The following TMEM135 variants were observed in gnomAD, a reference collection of about 807,000 sequenced individuals.
TMEM135 encodes the protein transmembrane protein 135.
In TMEM135, 30 loss-of-function variants were observed where a neutral mutation model predicts 60.3. That is an observed-to-expected ratio of 0.50 (90% CI 0.37 to 0.68). TMEM135 has a LOEUF of 0.68. Among genes scored for constraint, TMEM135 ranks in the 30% least tolerant of loss-of-function variants. The pLI, the probability that TMEM135 is intolerant of heterozygous loss-of-function variation, is 0.00. For synonymous variants in TMEM135, 190 were observed against 186.7 expected, an observed-to-expected ratio of 1.02 and a Z score of -0.14; for missense variants, 468 against 548.8, an observed-to-expected ratio of 0.85 and a Z score of 1.47.
chr11:87,039,405 G>A (rs76474737), intron 1 of TMEM135, among the ~76,000 whole-genome samples: 1 of 152,086 alleles, frequency 6.6e-6, no homozygotes. Context: ...TAACAAACTC[G>A]TGGTAATGCT....
intron 5 of TMEM135, among the ~76,000 whole-genome samples, chr11:87,161,415 A>G (rs1255387084): frequency 6.6e-6 from 1 of 152,146 alleles, no homozygotes; most frequent in African/African-American, 2.4e-5. Flanking sequence ...GTTAGAAGAT[A>G]AGGTTACTCT....
chr11:87,217,611 C>T lies in TMEM135; in HGVS notation c.463-19027C>T, dbSNP rs568570328. On this transcript the variant is annotated intron_variant, in intron 5 of 14. Transcript: ENST00000305494. ...GATCAGCGTTACCAACATAGAGAAA[C>T]CCCGTCTCTGCTAAATATGCAAAGT... Among the ~76,000 whole-genome samples, 11 of 152,102 alleles carry T rather than the reference C, an allele frequency of 7.2e-5. No individual in the cohort carries two copies. In the South Asian group the frequency reaches 2.3e-3, roughly 32 times the overall value.
At chr11:87,163,695 A>G (rs2135276938) in intron 5 of TMEM135, among the ~76,000 whole-genome samples, 1 of 149,908 alleles carries the variant, frequency 6.7e-6, no homozygotes, top group East Asian at 2.0e-4. Flanking sequence ...CCTCTCCAGC[A>G]CCTGTTGTTT....
intron 5 of TMEM135, among the ~76,000 whole-genome samples, chr11:87,209,805 T>C (rs1298908675): frequency 6.6e-6 from 1 of 152,040 alleles, no homozygotes; most frequent in African/African-American, 2.4e-5. Context: ...TTCAAAAAAA[T>C]TGAAACACCA....
Position 87,327,027 on chromosome 11 carries a change from A to G in TMEM135, c.*5694A>G, listed in dbSNP as rs12284055. 61,488 of 453,350 alleles carry G rather than the reference A, an allele frequency of 0.14. 4,417 individuals are homozygous for G. The highest frequency in any genetic ancestry group is 0.16 in the African/African-American group (7,892 of 49,864). The allele number at this position is 453,350 out of a possible 1,614,324, so 28.1% of individuals were successfully genotyped here. A position where few individuals can be genotyped will look rare whatever the true frequency, so the allele number is the denominator to read the frequency against. On this transcript the variant is annotated 3_prime_UTR_variant, in exon 15 of 15. Transcript: ENST00000305494. ...AGTGGCAGTTTTTCCTTGCTGAGGG[A>G]ACACTGATGTTGTTTAAGACAGTTA...
intron 4 of TMEM135, among the ~76,000 whole-genome samples, chr11:87,105,374 A>T (rs2374997): frequency 0.095 from 14,488 of 152,060 alleles, 725 homozygotes; most frequent in African/African-American, 0.11. Context: ...CATGTGAGGG[A>T]TCTAGGTTGC....
chr11:87,198,138 T>C (rs1940002140), intron 5 of TMEM135, among the ~76,000 whole-genome samples: 1 of 152,204 alleles, frequency 6.6e-6, no homozygotes, highest in Admixed American at 6.5e-5. Context: ...TTGCTAAATA[T>C]AGTCACACTA....
At chr11:87,162,763 A>G (rs1219848542) in intron 5 of TMEM135, among the ~76,000 whole-genome samples, 1 of 152,124 alleles carries the variant, frequency 6.6e-6, no homozygotes, top group African/African-American at 2.4e-5. Context: ...GTCAAATGGT[A>G]TTTCTGGTTC....
chr11:87,308,140 C>T (rs1446624460), intron 9 of TMEM135, among the ~76,000 whole-genome samples: 1 of 152,136 alleles, frequency 6.6e-6, no homozygotes, highest in Non-Finnish European at 1.5e-5. Flanking sequence ...AGCATGAAAG[C>T]TCCACAAAGG....
chr11:87,059,482 A>G (rs1384226916), intron 1 of TMEM135, among the ~76,000 whole-genome samples: 2 of 151,444 alleles, frequency 1.3e-5, no homozygotes, highest in Non-Finnish European at 2.9e-5. Context: ...CGCCTGGCTA[A>G]TTTTTGTATT....
chr11:87,146,367 G>A (rs879423285), intron 4 of TMEM135, among the ~76,000 whole-genome samples: 2 of 152,136 alleles, frequency 1.3e-5, no homozygotes, highest in Admixed American at 1.3e-4. Context: ...AACAAAAATT[G>A]GTTGATTGTA....
intron 5 of TMEM135, among the ~76,000 whole-genome samples, chr11:87,235,028 G>A (rs1940966209): frequency 6.6e-6 from 1 of 151,882 alleles, no homozygotes; most frequent in Non-Finnish European, 1.5e-5. Flanking sequence ...GAACATCTGG[G>A]AAGGATGACA....
intron 4 of TMEM135, among the ~76,000 whole-genome samples, chr11:87,104,185 A>G (rs1857535738): frequency 2.0e-5 from 3 of 151,964 alleles, no homozygotes; most frequent in African/African-American, 7.3e-5. Context: ...TATTGAGGAG[A>G]CTTGTTCTTT....
chr11:87,234,249 T>A (rs1285160719), intron 5 of TMEM135, among the ~76,000 whole-genome samples: 1 of 152,044 alleles, frequency 6.6e-6, no homozygotes, highest in African/African-American at 2.4e-5. Context: ...ACTTTATTTA[T>A]CTCCAAAACT....
At chr11:87,134,517 C>G (rs1938036772) in intron 4 of TMEM135, among the ~76,000 whole-genome samples, 2 of 152,212 alleles carry the variant, frequency 1.3e-5, no homozygotes, top group Non-Finnish European at 2.9e-5. Context: ...GGGTCTTGCT[C>G]TATCATCCAG....
chr11:87,202,729 T>TAA (rs1480749059), intron 5 of TMEM135, among the ~76,000 whole-genome samples: 23 of 130,142 alleles, frequency 1.8e-4, no homozygotes, highest in Admixed American at 4.5e-4. Context: ...TTAAAAGACT[T>TAA]TAAAAAAAAA....
chr11:87,126,934 G>A (rs1346793699), intron 4 of TMEM135, among the ~76,000 whole-genome samples: 2 of 152,022 alleles, frequency 1.3e-5, no homozygotes, highest in Non-Finnish European at 2.9e-5. Flanking sequence ...GGAATTAGGG[G>A]GAATGATTAA....
intron 7 of TMEM135, 64 bp downstream of exon 7, chr11:87,295,887 A>G (rs939459313): frequency 7.8e-7 from 1 of 1,275,020 alleles, no homozygotes; most frequent in Non-Finnish European, 1.1e-6. Flanking sequence ...ATTATACATA[A>G]TTACAATAAA....
At chr11:87,178,614 C>G in intron 5 of TMEM135, 1 of 413,518 alleles carries the variant, frequency 2.4e-6, no homozygotes, top group Non-Finnish European at 4.8e-6. Context: ...TTAGTAGAGA[C>G]GGGATTTCAC....
Sources: allele counts gnomAD v4.1 joint callset (sites outside exome capture counted in the v4.1 genomes callset), GRCh38; gene constraint gnomAD v4.1.1; transcripts MANE v1.5; gene names NCBI Gene and HGNC (gene_info 2026-07-23, HGNC 2026-07-21).